The following SNTG1 variants were observed in gnomAD, a reference collection of about 807,000 sequenced individuals.
SNTG1 encodes syntrophin gamma 1, also known as gamma-1-syntrophin.
Under a neutral mutation model 74.7 loss-of-function variants are expected in SNTG1, and 39 were observed. The observed-to-expected ratio is 0.52, with a 90% confidence interval of 0.40 to 0.68. The LOEUF is 0.68. Among genes scored for constraint, SNTG1 ranks in the 30% least tolerant of loss-of-function variants. SNTG1 has a pLI of 0.00. For missense variants in SNTG1, 685 were observed against 609.5 expected, an observed-to-expected ratio of 1.12 and a Z score of -1.30; for synonymous variants, 254 against 217.1, an observed-to-expected ratio of 1.17 and a Z score of -1.49.
chr8:49,975,253 T>A (rs1314937552), intron 1 of SNTG1, among the ~76,000 whole-genome samples: 3 of 152,226 alleles, frequency 2.0e-5, no homozygotes, highest in Non-Finnish European at 4.4e-5. Context: ...CGAGATTATT[T>A]AGCAATATTC....
At chr8:50,740,098 C>T (rs995759534) in intron 17 of SNTG1, among the ~76,000 whole-genome samples, 2 of 151,924 alleles carry the variant, frequency 1.3e-5, no homozygotes, top group Non-Finnish European at 2.9e-5. Flanking sequence ...AAAGCAATTA[C>T]AACAAAAGCA....
rs368550809 is a variant in SNTG1, at chr8:50,324,597, G to A, written c.-27-69615G>A. Among the ~76,000 whole-genome samples, 18 of 152,164 alleles carry A rather than the reference G, an allele frequency of 1.2e-4. No homozygotes were observed. In the East Asian group the frequency reaches 2.7e-3, roughly 23 times the overall value. ...CCCCCAAATCTCCTTGTTTTGGCTT[G>A]CATTTCCCTCTTTAGTTCCTGGTAT... On this transcript the variant is annotated intron_variant, in intron 2 of 18. Transcript: ENST00000642720.
intron 17 of SNTG1, among the ~76,000 whole-genome samples, chr8:50,713,914 C>A (rs2131569423): frequency 6.6e-6 from 1 of 152,164 alleles, no homozygotes; most frequent in South Asian, 2.1e-4. Flanking sequence ...AAAAAATTAG[C>A]TGGATGTGGT....
At chr8:50,398,316 C>A (rs2092754778) in intron 3 of SNTG1, among the ~76,000 whole-genome samples, 1 of 152,214 alleles carries the variant, frequency 6.6e-6, no homozygotes, top group Admixed American at 6.5e-5. Flanking sequence ...CGTTAGCACG[C>A]CTGGTCCTCT....
intron 15 of SNTG1, among the ~76,000 whole-genome samples, chr8:50,686,545 G>A (rs1233854587): frequency 6.6e-6 from 1 of 151,862 alleles, no homozygotes; most frequent in Non-Finnish European, 1.5e-5. Context: ...CTAAAACTCA[G>A]AAATAAAGAA....
intron 1 of SNTG1, among the ~76,000 whole-genome samples, chr8:49,926,177 C>G (rs1052453220): frequency 1.3e-5 from 2 of 152,022 alleles, no homozygotes; most frequent in Admixed American, 6.6e-5. Context: ...AATCAATAAA[C>G]TTCCCACACA....
chr8:50,462,870 G>A (rs913432287), intron 8 of SNTG1, among the ~76,000 whole-genome samples: 2 of 121,304 alleles, frequency 1.6e-5, no homozygotes, highest in Non-Finnish European at 3.2e-5. Flanking sequence ...AGGCTGGAGT[G>A]CAATGACACG....
chr8:50,650,621 T>C (rs2095138996), intron 13 of SNTG1, among the ~76,000 whole-genome samples: 1 of 152,194 alleles, frequency 6.6e-6, no homozygotes, highest in Admixed American at 6.5e-5. Context: ...TTAATAATTA[T>C]AGGATTCTAT....
At chr8:50,588,362 G>A (rs2094668020) in intron 12 of SNTG1, among the ~76,000 whole-genome samples, 1 of 152,106 alleles carries the variant, frequency 6.6e-6, no homozygotes, top group Admixed American at 6.6e-5. Flanking sequence ...TACAATGGAA[G>A]CACATTTCTT....
chr8:50,541,060 T>C (rs1180604568), intron 11 of SNTG1, among the ~76,000 whole-genome samples: 1 of 152,132 alleles, frequency 6.6e-6, no homozygotes, highest in East Asian at 1.9e-4. Context: ...TTTTTTTCTA[T>C]TGAAAATCCT....
At chr8:50,548,903 A>T (rs759836942) in intron 11 of SNTG1, among the ~76,000 whole-genome samples, 7 of 152,182 alleles carry the variant, frequency 4.6e-5, no homozygotes, top group Non-Finnish European at 7.3e-5. Flanking sequence ...ATACAGCCTG[A>T]GGTGTGCAGA....
chr8:50,511,582 T>C (rs1009066354), intron 9 of SNTG1, among the ~76,000 whole-genome samples: 9 of 152,204 alleles, frequency 5.9e-5, no homozygotes, highest in Non-Finnish European at 7.3e-5. Flanking sequence ...GGACTTGCTT[T>C]ATGAATCTGG....
chr8:50,360,362 T>C (rs550880765), intron 2 of SNTG1, among the ~76,000 whole-genome samples: 1 of 152,288 alleles, frequency 6.6e-6, no homozygotes, highest in East Asian at 1.9e-4. Context: ...GCAGATCATG[T>C]GTTTTAAAAA....
intron 2 of SNTG1, among the ~76,000 whole-genome samples, chr8:50,273,200 T>C (rs543242226): frequency 2.6e-5 from 4 of 152,310 alleles, no homozygotes; most frequent in Admixed American, 2.0e-4. Flanking sequence ...GGATGTTATA[T>C]TATAAGGGCT....
At chr8:50,462,037 G>A (rs1371492644) in intron 8 of SNTG1, among the ~76,000 whole-genome samples, 4 of 151,838 alleles carry the variant, frequency 2.6e-5, no homozygotes, top group Admixed American at 1.3e-4. Flanking sequence ...CCACATATTC[G>A]GTACAGTGTA....
At chr8:50,294,941 A>T (rs1226979432) in intron 2 of SNTG1, among the ~76,000 whole-genome samples, 1 of 152,162 alleles carries the variant, frequency 6.6e-6, no homozygotes, top group African/African-American at 2.4e-5. Context: ...AGCACTAAAA[A>T]AACTCCATCC....
intron 2 of SNTG1, among the ~76,000 whole-genome samples, chr8:50,325,693 A>C (rs543989643): frequency 6.6e-6 from 1 of 152,108 alleles, no homozygotes; most frequent in Non-Finnish European, 1.5e-5. Context: ...AAAGCTTGCA[A>C]ACAAAACATT....
At chr8:50,250,644 A>G (rs1053301342) in intron 2 of SNTG1, among the ~76,000 whole-genome samples, 1 of 152,148 alleles carries the variant, frequency 6.6e-6, no homozygotes, top group Admixed American at 6.5e-5. Context: ...CATGCCAGGA[A>G]AAAAATTGAT....
At chr8:50,487,638 GA>G (rs1206158174) in intron 8 of SNTG1, among the ~76,000 whole-genome samples, 1 of 145,662 alleles carries the variant, frequency 6.9e-6, no homozygotes, top group Admixed American at 7.1e-5. Context: ...ATTGAACAAT[GA>G]GAACACATGG....
Sources: allele counts gnomAD v4.1 joint callset (sites outside exome capture counted in the v4.1 genomes callset), GRCh38; gene constraint gnomAD v4.1.1; transcripts MANE v1.5; gene names NCBI Gene and HGNC (gene_info 2026-07-23, HGNC 2026-07-21).